The following AMZ1 variants were observed in gnomAD, a reference collection of about 807,000 sequenced individuals.
The protein encoded by AMZ1 is archaelysin family metallopeptidase 1, also known as archaemetzincin-1.
In AMZ1, 39 loss-of-function variants were observed where a neutral mutation model predicts 29.9. The observed-to-expected ratio is 1.30, with a 90% CI of 1.01 to 1.70. AMZ1 has a LOEUF of 1.70. AMZ1 is among the 40% of genes most tolerant of loss of function. The probability of loss-of-function intolerance (pLI) is 0.00; values close to 1 mark genes in which losing one functional copy is unlikely to be tolerated. For missense variants in AMZ1, 1,041 were observed against 680.6 expected (o/e 1.53, Z -5.89); for synonymous variants, 458 against 304.0 (o/e 1.51, Z -5.27).
intron 4 of AMZ1, among the ~76,000 whole-genome samples, chr7:2,744,706 C>A (rs1790683001): frequency 6.6e-6 from 1 of 152,018 alleles, no homozygotes. Flanking sequence ...AGGCTTCAGA[C>A]AATCAAACTA....
intron 1 of AMZ1, among the ~76,000 whole-genome samples, chr7:2,699,538 C>CT (rs1308118135): frequency 6.6e-6 from 1 of 152,042 alleles, no homozygotes; most frequent in African/African-American, 2.4e-5. Context: ...CCCGCCCCCC[C>CT]CCAAACATAT....
intron 1 of AMZ1, among the ~76,000 whole-genome samples, chr7:2,699,118 A>T (rs1171286265): frequency 6.6e-6 from 1 of 151,184 alleles, no homozygotes; most frequent in Non-Finnish European, 1.5e-5. Flanking sequence ...CCCCACAACC[A>T]CCCCTTTGCT....
Position 2,700,733 on chromosome 7 carries a change from G to A in AMZ1, c.282G>A (p.Lys94=). 2 of 1,612,910 alleles carry A rather than the reference G, an allele frequency of 1.2e-6. No homozygotes were observed. The highest frequency in any genetic ancestry group is 1.7e-6 in the Non-Finnish European group (2 of 1,180,020). The change falls in exon 2 of 7, where the codon AAG becomes AAA. Residue 94 remains lysine, a synonymous_variant. Transcript: ENST00000683327. ...LQHRKPRLAR[K]HIYLQPIDLS... ...ACCGGAAGCCCCGCCTGGCTCGGAA[G>A]CACATCTACCTACAGCCGATAGGTA...
intron 2 of AMZ1, chr7:2,702,469 T>G: frequency 1.9e-6 from 1 of 516,842 alleles, no homozygotes; most frequent in Non-Finnish European, 3.4e-6. Context: ...GCTCTCTCCC[T>G]GAGCTCATAT....
intron 1 of AMZ1, among the ~76,000 whole-genome samples, chr7:2,688,930 C>T (rs1433358456): frequency 6.6e-6 from 1 of 152,236 alleles, no homozygotes; most frequent in African/African-American, 2.4e-5. Context: ...GGGCAGGGAC[C>T]TGGGTCCTTT....
At position 2,731,342 on chromosome 7, in the gene AMZ1, G is replaced by A. The variant is rs143607374; in HGVS notation, n.550+21526G>A. 1.3e-5 allele frequency: 21 copies of A among 1,613,880 alleles called. No homozygotes were observed. The highest frequency in any genetic ancestry group is 6.7e-5 in the Admixed American group (4 of 60,000). On this transcript the variant is annotated intron_variant and non_coding_transcript_variant, in intron 4 of 4. Coordinates refer to the AMZ1 transcript ENST00000489665. The surrounding 1 kb of genome is among the most constrained non-coding windows in gnomAD (Gnocchi z 6.0). ...CTGTCGAAGCACTGGACCAGGTAGC[G>A]CTGGACGTCCTCCAGCCTGTGCGGG...
In AMZ1 at chr7:2,718,757, G is replaced by A. The variant is rs528145221; in HGVS notation, c.*5879G>A. On this transcript the variant is annotated 3_prime_UTR_variant, in exon 7 of 7. Coordinates refer to ENST00000683327, the MANE Select transcript of AMZ1 (RefSeq NM_001384743.1). ...GGCTTGGTCTTGTGGTCAGGGAGAA[G>A]CGGGCAGGCCAGGGCCGAGCTGCGT... Among the ~76,000 whole-genome samples the A allele has an allele frequency of 5.9e-5, 9 of 152,346 alleles. No homozygotes were observed. The highest frequency in any genetic ancestry group is 2.2e-4 in the African/African-American group (9 of 41,578).
intron 4 of AMZ1, among the ~76,000 whole-genome samples, chr7:2,734,738 C>G (rs1273194752): frequency 1.3e-5 from 2 of 152,202 alleles, no homozygotes; most frequent in East Asian, 1.9e-4. Context: ...TTTGAGGGGA[C>G]AGAAACACAC....
chr7:2,720,142 G>C (rs567058164), downstream of AMZ1, among the ~76,000 whole-genome samples: 2 of 152,360 alleles, frequency 1.3e-5, no homozygotes, highest in East Asian at 3.9e-4. Flanking sequence ...CACTGCTGCA[G>C]AGCTTTCCGT....
chr7:2,695,941 G>A (rs1271755111), intron 1 of AMZ1, among the ~76,000 whole-genome samples: 2 of 151,194 alleles, frequency 1.3e-5, no homozygotes, highest in Non-Finnish European at 2.9e-5. Context: ...ACCCGGAGGC[G>A]GAGGTTGCAG....
upstream of AMZ1, among the ~76,000 whole-genome samples, chr7:2,760,167 C>T (rs188652973): frequency 6.6e-6 from 1 of 152,366 alleles, no homozygotes; most frequent in East Asian, 1.9e-4. Flanking sequence ...CTTCCCATCG[C>T]CCGCCTCTGC....
At chr7:2,734,243 C>T (rs529915110) in intron 4 of AMZ1, among the ~76,000 whole-genome samples, 15 of 152,260 alleles carry the variant, frequency 9.9e-5, no homozygotes, top group African/African-American at 3.1e-4. Flanking sequence ...GCCGGGAGAG[C>T]GCAACCACCG....
Position 2,719,175 on chromosome 7 carries a change from A to G in AMZ1, c.*6297A>G, listed in dbSNP as rs1301648981. 6.6e-6 allele frequency among the ~76,000 whole-genome samples: 1 copy of G among 152,164 alleles called. No individual in the cohort carries two copies. Among genetic ancestry groups the G allele is most frequent in the Non-Finnish European group, 1.5e-5 (1 of 68,016 alleles). ...CGGGCAGCAGCTTTGTCGGCTGCCA[A>G]CCCAACTCCTCCGACAGAACGGCAG... On this transcript the variant is annotated 3_prime_UTR_variant, in exon 7 of 7. Transcript: ENST00000683327.
chr7:2,719,934 GCCT>G (rs1789347511), downstream of AMZ1, among the ~76,000 whole-genome samples: 1 of 152,060 alleles, frequency 6.6e-6, no homozygotes. Context: ...ACCCGCCTTG[GCCT>G]CCCAAAGTGC....
At chr7:2,749,606 A>G (rs1471760841) in intron 4 of AMZ1, among the ~76,000 whole-genome samples, 2 of 152,210 alleles carry the variant, frequency 1.3e-5, no homozygotes, top group Non-Finnish European at 2.9e-5. Context: ...GCACATGTAT[A>G]CATATGTAAC....
At chr7:2,707,834 T>C (rs1788454235) in intron 3 of AMZ1, among the ~76,000 whole-genome samples, 1 of 145,480 alleles carries the variant, frequency 6.9e-6, no homozygotes, top group African/African-American at 2.6e-5. Flanking sequence ...TTTTTTTTTT[T>C]TTTTTTTGAG....
intron 4 of AMZ1, among the ~76,000 whole-genome samples, chr7:2,737,525 G>T (rs1043237322): frequency 1.3e-5 from 2 of 152,002 alleles, no homozygotes; most frequent in Non-Finnish European, 2.9e-5. Flanking sequence ...CTGACCTCAG[G>T]TAATCCACCC....
At chr7:2,711,830 G>C (rs1044813239) in intron 6 of AMZ1, among the ~76,000 whole-genome samples, 1 of 152,182 alleles carries the variant, frequency 6.6e-6, no homozygotes, top group Non-Finnish European at 1.5e-5. Flanking sequence ...GGTCATCTGA[G>C]GTCAGGAGTT....
intron 4 of AMZ1, among the ~76,000 whole-genome samples, chr7:2,750,161 A>C (rs1433851496): frequency 6.6e-6 from 1 of 152,200 alleles, no homozygotes; most frequent in African/African-American, 2.4e-5. Flanking sequence ...TGACATGTAA[A>C]GGGCCTGGAA....
Sources: gnomAD v4.1 joint callset for allele counts (sites outside exome capture counted in the v4.1 genomes callset) on GRCh38, gnomAD v4.1.1 for gene constraint, Gnocchi (gnomAD v3.1) non-coding constraint, MANE v1.5 for transcripts, NCBI Gene and HGNC (gene_info 2026-07-23, HGNC 2026-07-21) for gene names.